Variants in MAMDC2 observed in about 807,000 individuals in gnomAD.
MAMDC2 encodes MAM domain containing 2.
Under a neutral mutation model 89.8 loss-of-function variants are expected in MAMDC2, and 57 were observed. The ratio of observed to expected loss-of-function variants is 0.63; its 90% confidence interval spans 0.51 to 0.79. The LOEUF is 0.79. MAMDC2 is among the 30% of genes least tolerant of loss of function. The pLI is 0.00. For missense variants in MAMDC2, 800 were observed against 820.6 expected (o/e 0.97, Z 0.31); for synonymous variants, 313 against 293.4 (o/e 1.07, Z -0.68).
chr9:70,155,858 T>C (rs2031743779), intron 9 of MAMDC2, among the ~76,000 whole-genome samples: 2 of 152,338 alleles, frequency 1.3e-5, no homozygotes, highest in East Asian at 3.9e-4. Flanking sequence ...CTTCTCTCAA[T>C]GTCTACCTCA....
intron 11 of MAMDC2, among the ~76,000 whole-genome samples, chr9:70,197,896 C>G (rs541561659): frequency 6.6e-6 from 1 of 152,156 alleles, no homozygotes; most frequent in South Asian, 2.1e-4. Flanking sequence ...CCTAACGCTA[C>G]TTTACAATGC....
At chr9:70,181,859 C>A (rs2032652881) in intron 11 of MAMDC2, among the ~76,000 whole-genome samples, 1 of 152,096 alleles carries the variant, frequency 6.6e-6, no homozygotes, top group Non-Finnish European at 1.5e-5. Flanking sequence ...CTTTCTCTTG[C>A]CTGATTGCCC....
Position 70,180,626 on chromosome 9 carries a change from CT to C in MAMDC2, c.1651+10002del, listed in dbSNP as rs566845578. On this transcript the variant is annotated intron_variant, in intron 11 of 13. Coordinates refer to ENST00000377182, the MANE Select transcript of MAMDC2 (RefSeq NM_153267.5). ...TTCTCTAATGACCAGTGATGATGAGCTTTTTTTCATGTTTGTTGGCTGCATA... is the reference window on the plus strand; with the variant it reads ...TTCTCTAATGACCAGTGATGATGAGCTTTTTTCATGTTTGTTGGCTGCATA... Among the ~76,000 whole-genome samples the C allele has an allele frequency of 2.5e-4, 38 of 152,260 alleles. 1 individual carries two copies. In the South Asian group the frequency reaches 7.9e-3, roughly 32 times the overall value.
At chr9:70,086,126 G>A (rs2118155535) in intron 2 of MAMDC2, 1 of 152,152 alleles carries the variant, frequency 6.6e-6, no homozygotes, top group South Asian at 2.1e-4. Context: ...GGCAATTGGT[G>A]CTAAAATTTA....
At chr9:70,159,250 T>A (rs1354799656) in intron 9 of MAMDC2, among the ~76,000 whole-genome samples, 2 of 152,334 alleles carry the variant, frequency 1.3e-5, no homozygotes, top group East Asian at 3.9e-4. Flanking sequence ...TCTAGGGATT[T>A]ATCATAAGGA....
chr9:70,063,435 G>A (rs1185398225), intron 2 of MAMDC2, among the ~76,000 whole-genome samples: 1 of 152,130 alleles, frequency 6.6e-6, no homozygotes, highest in South Asian at 2.1e-4. Context: ...AGCATAGTTC[G>A]TGATGTGCGT....
intron 2 of MAMDC2, among the ~76,000 whole-genome samples, chr9:70,060,798 T>C (rs1233302590): frequency 3.9e-5 from 6 of 152,184 alleles, no homozygotes; most frequent in African/African-American, 9.7e-5. Context: ...AGATGTTGAA[T>C]TGGTTGAATG....
intron 11 of MAMDC2, among the ~76,000 whole-genome samples, chr9:70,210,500 A>C (rs1053842852): frequency 1.3e-5 from 2 of 152,122 alleles, no homozygotes; most frequent in East Asian, 3.9e-4. Flanking sequence ...GTCTTCCTCC[A>C]TCCCTTTATT....
intron 11 of MAMDC2, among the ~76,000 whole-genome samples, chr9:70,209,054 T>C (rs2033292492): frequency 6.6e-6 from 1 of 152,206 alleles, no homozygotes; most frequent in South Asian, 2.1e-4. Context: ...TGAGGATTTT[T>C]GCGTCGATGT....
chr9:70,049,751 C>T (rs1380494428), intron 2 of MAMDC2, among the ~76,000 whole-genome samples: 1 of 152,220 alleles, frequency 6.6e-6, no homozygotes, highest in Non-Finnish European at 1.5e-5. Context: ...CCTAGTTACA[C>T]TTGCAGTATC....
intron 11 of MAMDC2, chr9:70,194,094 C>T (rs1416220722): frequency 6.6e-6 from 1 of 152,116 alleles, no homozygotes; most frequent in Non-Finnish European, 1.5e-5. Flanking sequence ...GACTTACTAA[C>T]TGGTGATGCA....
intron 2 of MAMDC2, among the ~76,000 whole-genome samples, chr9:70,073,208 T>A (rs190867000): frequency 2.2e-4 from 34 of 152,366 alleles, no homozygotes; most frequent in African/African-American, 8.2e-4. Flanking sequence ...AAAGCTTACA[T>A]ATCTGCAAAT....
intron 11 of MAMDC2, among the ~76,000 whole-genome samples, chr9:70,202,456 G>C (rs2033121828): frequency 1.3e-5 from 2 of 151,284 alleles, no homozygotes; most frequent in Non-Finnish European, 3.0e-5. Flanking sequence ...CATTTGCTGA[G>C]GAGAGCTTTA....
intron 11 of MAMDC2, among the ~76,000 whole-genome samples, chr9:70,186,533 G>GT (rs2118590980): frequency 1.3e-5 from 2 of 152,128 alleles, no homozygotes; most frequent in South Asian, 4.2e-4. Flanking sequence ...TCCTAAAATT[G>GT]TTTTTTGTTT....
intron 2 of MAMDC2, among the ~76,000 whole-genome samples, chr9:70,085,338 A>G (rs1395297665): frequency 6.6e-6 from 1 of 151,988 alleles, no homozygotes; most frequent in Non-Finnish European, 1.5e-5. Flanking sequence ...AGTTCATTCC[A>G]TCAAGGGGTG....
At position 70,143,426 on chromosome 9, in the gene MAMDC2, A is replaced by G. The variant is rs1306489672; in HGVS notation, c.1139-128A>G. On this transcript the variant is annotated intron_variant, in intron 8 of 13. Coordinates refer to ENST00000377182, the MANE Select transcript of MAMDC2 (RefSeq NM_153267.5). ...GTCACTTAAGCCACAGACATTAGAA[A>G]ATGCTTTCTATCATTTAAAGCATAG... The G allele has an allele frequency of 1.3e-5, 13 of 1,021,168 alleles. No individual in the cohort carries two copies. The African/African-American group carries it at 1.3e-4, about 10-fold the overall frequency. 63.3% of individuals were successfully genotyped at this position (1,021,168 alleles called of 1,614,324 possible).
intron 11 of MAMDC2, among the ~76,000 whole-genome samples, chr9:70,206,007 C>T (rs12684301): frequency 0.069 from 10,495 of 152,104 alleles, 574 homozygotes; most frequent in East Asian, 0.22. Flanking sequence ...GTCATCAAAA[C>T]GAATGACTGG....
At chr9:70,224,067 T>A (rs987251832) in intron 12 of MAMDC2, among the ~76,000 whole-genome samples, 9 of 152,302 alleles carry the variant, frequency 5.9e-5, no homozygotes, top group Admixed American at 5.9e-4. Flanking sequence ...CAGATTTTAT[T>A]GTTGTTCAGA....
chr9:70,112,665 A>T (rs1177034678), intron 4 of MAMDC2, among the ~76,000 whole-genome samples: 4 of 152,112 alleles, frequency 2.6e-5, no homozygotes, highest in Non-Finnish European at 2.9e-5. Flanking sequence ...AGCTCTCCAC[A>T]CTTACAATAG....
Sources: gnomAD v4.1 joint callset for allele counts (sites outside exome capture counted in the v4.1 genomes callset) on GRCh38, gnomAD v4.1.1 for gene constraint, MANE v1.5 for transcripts, NCBI Gene and HGNC (gene_info 2026-07-23, HGNC 2026-07-21) for gene names.